INPP4B: variants seen among roughly 807,000 people sequenced by gnomAD.
INPP4B encodes inositol polyphosphate 4-phosphatase type II.
In INPP4B, 55 loss-of-function variants were observed where a neutral mutation model predicts 122.5. The observed-to-expected ratio is 0.45, with a 90% CI of 0.36 to 0.56. The LOEUF (loss-of-function observed/expected upper bound fraction) is 0.56, where lower values mean the gene tolerates loss of function less well. Ranked by LOEUF, INPP4B falls within the 20% of genes least tolerant of loss-of-function variation. INPP4B has a pLI of 0.00. For synonymous variants in INPP4B, 403 were observed against 388.7 expected (o/e 1.04, Z -0.43); for missense variants, 1,000 against 1,097.7 (o/e 0.91, Z 1.26).
At chr4:142,333,541 C>T (rs1346404931) in intron 7 of INPP4B, among the ~76,000 whole-genome samples, 1 of 152,090 alleles carries the variant, frequency 6.6e-6, no homozygotes, top group Non-Finnish European at 1.5e-5. Context: ...GATGTTATAG[C>T]AAAATAGGGT....
In INPP4B at chr4:142,535,456, G is replaced by C. The variant is rs1219008881; in HGVS notation, c.-190-72730C>G. Reference sequence around the variant, plus strand: ...TTTCCTTGGGAGGATCTGCACATAAGTAAGAACTAACTCTATGGCAGTGTA... The same window carrying C: ...TTTCCTTGGGAGGATCTGCACATAACTAAGAACTAACTCTATGGCAGTGTA... On this transcript the variant is annotated intron_variant, in intron 2 of 25. Coordinates refer to ENST00000262992, the MANE Select transcript of INPP4B (RefSeq NM_001101669.3). 2.0e-5 allele frequency among the ~76,000 whole-genome samples: 3 copies of C among 152,318 alleles called. No homozygotes were observed. In the East Asian group the frequency reaches 5.8e-4, roughly 29 times the overall value.
chr4:142,661,697 A>G (rs778872956), intron 2 of INPP4B, among the ~76,000 whole-genome samples: 7 of 152,218 alleles, frequency 4.6e-5, no homozygotes, highest in African/African-American at 1.7e-4. Context: ...TAAAACAGAA[A>G]TCTTTCAACC....
intron 25 of INPP4B, chr4:142,030,366 A>T (rs1475896609): frequency 5.1e-6 from 7 of 1,380,882 alleles, no homozygotes; most frequent in Non-Finnish European, 6.9e-6. Flanking sequence ...AGTAAAAAAA[A>T]TTCAGCCTTA....
intron 14 of INPP4B, among the ~76,000 whole-genome samples, chr4:142,206,353 CTCTTTTT>C: frequency 1.2e-5 from 1 of 81,770 alleles, no homozygotes; most frequent in East Asian, 3.4e-4. Context: ...CTCTCTCTCT[CTCTTTTT>C]TTTTTTTTTT....
At chr4:142,277,698 C>CACAT (rs1487615791) in intron 9 of INPP4B, among the ~76,000 whole-genome samples, 1 of 151,216 alleles carries the variant, frequency 6.6e-6, no homozygotes, top group African/African-American at 2.4e-5. Context: ...CACACACACA[C>CACAT]ACACACACAC....
rs1157643466 is a variant in INPP4B at position 142,537,429 on chromosome 4, T to TAGAG, written c.-190-74707_-190-74704dup. Among the ~76,000 whole-genome samples, 113 of 25,446 alleles carry TAGAG rather than the reference T, an allele frequency of 4.4e-3. 3 individuals are homozygous for TAGAG. The highest frequency in any genetic ancestry group is 5.5e-3 in the African/African-American group (46 of 8,418). The allele number at this position is 25,446 out of a possible 152,430, so 16.7% of individuals were successfully genotyped here. A position where few individuals can be genotyped will look rare whatever the true frequency, so the allele number is the denominator to read the frequency against. ...ATATATATATATATATATATATATA[T>TAGAG]AGAGAGAGAGAGAGAGAGAGAGAGA... On this transcript the variant is annotated intron_variant, in intron 2 of 25. Transcript: ENST00000262992.
intron 2 of INPP4B, among the ~76,000 whole-genome samples, chr4:142,552,913 T>A (rs1728315663): frequency 6.6e-6 from 1 of 152,130 alleles, no homozygotes; most frequent in South Asian, 2.1e-4. Flanking sequence ...GCTCTCTATA[T>A]CTCCTACCTT....
chr4:142,637,138 T>C (rs886674223), intron 2 of INPP4B, among the ~76,000 whole-genome samples: 3 of 152,190 alleles, frequency 2.0e-5, no homozygotes, highest in Non-Finnish European at 4.4e-5. Flanking sequence ...TCATCCATTA[T>C]CAACATCCTG....
intron 2 of INPP4B, among the ~76,000 whole-genome samples, chr4:142,537,427 TATAGAGAGAG>T (rs1342053551): frequency 0.053 from 1,785 of 33,656 alleles, 23 homozygotes; most frequent in East Asian, 0.16. Context: ...TATATATATA[TATAGAGAGAG>T]AGAGAGAGAG....
intron 2 of INPP4B, among the ~76,000 whole-genome samples, chr4:142,704,093 C>A (rs1762160413): frequency 6.6e-6 from 1 of 152,088 alleles, no homozygotes; most frequent in Admixed American, 6.5e-5. Flanking sequence ...GCCTCACCAG[C>A]AACACAGGAT....
chr4:142,674,471 C>T (rs1403674471), intron 2 of INPP4B, among the ~76,000 whole-genome samples: 2 of 151,968 alleles, frequency 1.3e-5, no homozygotes, highest in Non-Finnish European at 2.9e-5. Context: ...AAAATATATG[C>T]CATTTATTAG....
At chr4:142,287,959 A>G (rs956993521) in intron 9 of INPP4B, among the ~76,000 whole-genome samples, 2 of 152,146 alleles carry the variant, frequency 1.3e-5, no homozygotes, top group African/African-American at 4.8e-5. Context: ...GCTGCCTTCT[A>G]GCTGTGGCCT....
chr4:142,509,214 C>T (rs72946898), intron 2 of INPP4B, among the ~76,000 whole-genome samples: 6,896 of 152,254 alleles, frequency 0.045, 194 homozygotes, highest in Admixed American at 0.074. Flanking sequence ...ACGGTAGCAA[C>T]GTGGACCAGT....
At chr4:142,702,030 A>C (rs981093077) in intron 2 of INPP4B, among the ~76,000 whole-genome samples, 1 of 152,194 alleles carries the variant, frequency 6.6e-6, no homozygotes, top group Non-Finnish European at 1.5e-5. Context: ...TCCCACTCAC[A>C]CTGAAGCTTA....
intron 2 of INPP4B, among the ~76,000 whole-genome samples, chr4:142,543,659 C>G (rs1829198967): frequency 6.6e-6 from 1 of 151,970 alleles, no homozygotes. Flanking sequence ...AGCATTTTTC[C>G]TTTTTAAATC....
intron 7 of INPP4B, among the ~76,000 whole-genome samples, chr4:142,363,243 T>A (rs558353022): frequency 5.3e-5 from 8 of 152,110 alleles, no homozygotes; most frequent in African/African-American, 1.9e-4. Flanking sequence ...TTGCAATGAA[T>A]AGCCTATTTC....
chr4:142,300,684 G>A (rs1761029411), intron 9 of INPP4B, among the ~76,000 whole-genome samples: 1 of 151,878 alleles, frequency 6.6e-6, no homozygotes. Flanking sequence ...ACATAAAATA[G>A]GAGAAATTTA....
At chr4:142,294,694 C>A (rs2151016640) in intron 9 of INPP4B, among the ~76,000 whole-genome samples, 1 of 151,354 alleles carries the variant, frequency 6.6e-6, no homozygotes, top group South Asian at 2.1e-4. Flanking sequence ...GTGTTAGGTA[C>A]CCACAAGCCA....
rs975912210 is a variant in INPP4B at position 142,028,050 on chromosome 4, G to A, written c.*732C>T. On this transcript the variant is annotated 3_prime_UTR_variant, in exon 26 of 26. Transcript: ENST00000262992. Reference sequence around the variant, plus strand: ...TTATTTGTAATTTTAGATCATTGCAGTGTTTTGCTTATCATTCTATTAAAC... The same window carrying A: ...TTATTTGTAATTTTAGATCATTGCAATGTTTTGCTTATCATTCTATTAAAC... The A allele has an allele frequency of 6.4e-5, 14 of 218,846 alleles. No homozygotes were observed. The highest frequency in any genetic ancestry group is 1.2e-4 in the Non-Finnish European group (13 of 109,050). The allele number at this position is 218,846 out of a possible 1,614,324, so 13.6% of individuals were successfully genotyped here. A position where few individuals can be genotyped will look rare whatever the true frequency, so the allele number is the denominator to read the frequency against.
Sources: gnomAD v4.1 joint callset for allele counts (sites outside exome capture counted in the v4.1 genomes callset) on GRCh38, gnomAD v4.1.1 for gene constraint, MANE v1.5 for transcripts, NCBI Gene and HGNC (gene_info 2026-07-23, HGNC 2026-07-21) for gene names.